HAUS7: variants seen among roughly 807,000 people sequenced by gnomAD.
The protein encoded by HAUS7 is HAUS augmin like complex subunit 7.
A neutral mutation model predicts 28.4 loss-of-function variants in HAUS7; 3 were observed. The ratio of observed to expected loss-of-function variants is 0.11; its 90% CI spans 0.05 to 0.27. The LOEUF is 0.27. Ranked by LOEUF, HAUS7 falls within the 10% of genes least tolerant of loss-of-function variation. The pLI is 1.00. For missense variants in HAUS7, 284 were observed against 297.3 expected (o/e 0.96, Z 0.33); for synonymous variants, 165 against 132.1 (o/e 1.25, Z -1.71).
At chrX:153,477,137 G>C (rs971500257) in intron 1 of HAUS7, among the ~76,000 whole-genome samples, 1 of 113,230 alleles carries the variant, frequency 8.8e-6, no homozygotes, top group African/African-American at 3.2e-5. Context: ...AGCACCCCAG[G>C]CCTCACCCCT....
chrX:153,492,945 G>A (rs782022967), intron 1 of HAUS7, among the ~76,000 whole-genome samples: 3 of 112,078 alleles, frequency 2.7e-5, no homozygotes, highest in Non-Finnish European at 5.6e-5. Flanking sequence ...CCCAAGCAGT[G>A]CAGGAAGGTA....
chrX:153,466,523 G>A (rs2089456890), intron 2 of HAUS7, among the ~76,000 whole-genome samples: 1 of 112,242 alleles, frequency 8.9e-6, no homozygotes, highest in South Asian at 3.7e-4. Flanking sequence ...ACTAGGTGCA[G>A]CTTCCAGGTT....
chrX:153,494,373 C>T lies in HAUS7; in HGVS notation c.-589+1001G>A, dbSNP rs367993626. On this transcript the variant is annotated intron_variant, in intron 1 of 5. Transcript: ENST00000370210. ...CCCGTCCTGCCACCACCAGCCGGAT[C>T]GGGCCCTCTTTTTAAGGGAAGAAAG... Among the ~76,000 whole-genome samples the T allele has an allele frequency of 2.3e-3, 259 of 112,479 alleles. 1 individual carries two copies. Among genetic ancestry groups the T allele is most frequent in the South Asian group, 7.8e-3 (21 of 2,687 alleles).
chrX:153,490,150 A>T (rs2089662640), intron 1 of HAUS7, among the ~76,000 whole-genome samples: 1 of 112,376 alleles, frequency 8.9e-6, no homozygotes, highest in African/African-American at 3.2e-5. Context: ...CAGGGGTCCT[A>T]GGGTGCCCCT....
chrX:153,469,028 G>T (rs1457238104), intron 2 of HAUS7, 118 bp downstream of exon 2: 3 of 499,324 alleles, frequency 6.0e-6, no homozygotes, highest in Non-Finnish European at 7.2e-6. Flanking sequence ...AGGCTAGGGG[G>T]TGGAGCCCTC....
At chrX:153,470,256 C>G (rs2089504304) in intron 1 of HAUS7, among the ~76,000 whole-genome samples, 194 bp downstream of exon 1, 2 of 113,433 alleles carry the variant, frequency 1.8e-5, no homozygotes, top group African/African-American at 6.4e-5. Flanking sequence ...ACAGCAAGAA[C>G]GAAGGCCTGG....
intron 4 of HAUS7, among the ~76,000 whole-genome samples, chrX:153,461,105 G>C (rs1316468811): frequency 9.1e-6 from 1 of 109,691 alleles, no homozygotes; most frequent in African/African-American, 3.6e-5. Context: ...TGGAAGGAAC[G>C]GCAGGCAAGA....
At chrX:153,494,888 T>TCCTTTCCTCCCTCCCC (rs2089697694) in intron 1 of HAUS7, 1 of 7,449 alleles carries the variant, frequency 1.3e-4, no homozygotes, top group African/African-American at 5.3e-4. Flanking sequence ...GCCCCCTCCC[T>TCCTTTCCTCCCTCCCC]CCTTTCCTCC....
upstream of HAUS7, chrX:153,471,026 C>T (rs1354797061): frequency 3.1e-6 from 1 of 327,186 alleles, no homozygotes; most frequent in Admixed American, 3.1e-5. Flanking sequence ...TGGGCCACCA[C>T]CACTAAGGGG....
intron 1 of HAUS7, chrX:153,482,893 T>A: frequency 3.7e-6 from 1 of 271,706 alleles, no homozygotes; most frequent in Non-Finnish European, 5.1e-6. Flanking sequence ...GCCCCCAGGA[T>A]GGGGAGGCAA....
chrX:153,457,507 C>A (rs782536105), intron 4 of HAUS7, among the ~76,000 whole-genome samples: 2 of 113,314 alleles, frequency 1.8e-5, no homozygotes, highest in African/African-American at 6.4e-5. Flanking sequence ...GTCGTGCAGC[C>A]GACAGCATGG....
upstream of HAUS7, among the ~76,000 whole-genome samples, chrX:153,473,261 G>T (rs782560200): frequency 8.9e-6 from 1 of 112,887 alleles, no homozygotes; most frequent in African/African-American, 3.2e-5. Flanking sequence ...AAGACACCGC[G>T]AATCAAAGGA....
intron 1 of HAUS7, among the ~76,000 whole-genome samples, chrX:153,491,683 G>C (rs1168712113): frequency 8.8e-6 from 1 of 113,252 alleles, no homozygotes; most frequent in Non-Finnish European, 1.9e-5. Flanking sequence ...GGAGACCACA[G>C]TGTGGCCTGG....
chrX:153,460,623 T>C (rs1361416800), intron 4 of HAUS7, among the ~76,000 whole-genome samples: 1 of 110,959 alleles, frequency 9.0e-6, no homozygotes, highest in Non-Finnish European at 1.9e-5. Context: ...TTTTCATGAC[T>C]GACATGGCAG....
rs371268748 is a variant in HAUS7 at position 153,447,802 on chromosome X, G to A, written c.*76C>T. 176 of 844,326 alleles carry A rather than the reference G, an allele frequency of 2.1e-4. 1 individual carries two copies. In the South Asian group the frequency reaches 2.9e-3, roughly 14 times the overall value. The allele number at this position is 844,326 out of a possible 1,213,427, so 69.6% of individuals were successfully genotyped here. On this transcript the variant is annotated 3_prime_UTR_variant, in exon 10 of 10. Coordinates refer to ENST00000370211, the MANE Select transcript of HAUS7 (RefSeq NM_001385482.1). Reference sequence around the variant, plus strand: ...TCTGCTGCCACAATCATCCATCCTCGGCCAACTCGATCTTGGGAGAGGGCT... The same window carrying A: ...TCTGCTGCCACAATCATCCATCCTCAGCCAACTCGATCTTGGGAGAGGGCT...
At chrX:153,460,280 T>C (rs782064957) in intron 4 of HAUS7, among the ~76,000 whole-genome samples, 86 of 111,754 alleles carry the variant, frequency 7.7e-4, no homozygotes, top group African/African-American at 2.7e-3. Context: ...TACTCAGTGG[T>C]TCAGGGTCTT....
chrX:153,488,995 T>G (rs2089655740), intron 1 of HAUS7, among the ~76,000 whole-genome samples: 1 of 112,232 alleles, frequency 8.9e-6, no homozygotes. Flanking sequence ...GACTCGCACT[T>G]GGGAAATGTA....
At chrX:153,475,492 C>G, upstream of HAUS7, among the ~76,000 whole-genome samples, 1 of 112,102 alleles carries the variant, frequency 8.9e-6, no homozygotes, top group Non-Finnish European at 1.9e-5. Context: ...ACCAGATCCT[C>G]TGAGGTTTCA....
intron 1 of HAUS7, among the ~76,000 whole-genome samples, chrX:153,492,624 A>T (rs1556989862): frequency 9.0e-6 from 1 of 111,283 alleles, no homozygotes; most frequent in Non-Finnish European, 1.9e-5. Flanking sequence ...GTGTCGCCTC[A>T]TCGCCACTTC....
Sources: allele counts gnomAD v4.1 joint callset (sites outside exome capture counted in the v4.1 genomes callset), GRCh38; gene constraint gnomAD v4.1.1; transcripts MANE v1.5; gene names NCBI Gene and HGNC (gene_info 2026-07-23, HGNC 2026-07-21).